Variants in PCDH9 observed in about 807,000 individuals in gnomAD.
The protein encoded by PCDH9 is protocadherin-9.
A neutral mutation model predicts 70.6 loss-of-function variants in PCDH9; 24 were observed. The observed-to-expected ratio is 0.34, with a 90% CI of 0.25 to 0.48. PCDH9 has a LOEUF of 0.48. Ranked by LOEUF, PCDH9 falls within the 20% of genes least tolerant of loss-of-function variation. The pLI is 0.99. For missense variants in PCDH9, 1,281 were observed against 1,503.6 expected (o/e 0.85, Z 2.45); for synonymous variants, 562 against 558.5 (o/e 1.01, Z -0.09).
intron 4 of PCDH9, among the ~76,000 whole-genome samples, chr13:66,562,184 A>G (rs924678224): frequency 6.6e-6 from 1 of 152,126 alleles, no homozygotes; most frequent in Non-Finnish European, 1.5e-5. Flanking sequence ...AGTTAAGCAT[A>G]AAATATATTT....
At chr13:66,757,573 G>C (rs914261862) in intron 3 of PCDH9, among the ~76,000 whole-genome samples, 1 of 151,936 alleles carries the variant, frequency 6.6e-6, no homozygotes, top group African/African-American at 2.4e-5. Flanking sequence ...AAACAGACTA[G>C]AGAATCTACT....
chr13:66,317,748 A>AT (rs1491341958), intron 4 of PCDH9, among the ~76,000 whole-genome samples: 1 of 152,160 alleles, frequency 6.6e-6, no homozygotes, highest in African/African-American at 2.4e-5. Flanking sequence ...AGAAAAAAAA[A>AT]GATGATTAGC....
chr13:67,028,534 A>G (rs113301267), intron 2 of PCDH9, among the ~76,000 whole-genome samples: 3 of 151,920 alleles, frequency 2.0e-5, no homozygotes, highest in Non-Finnish European at 4.4e-5. Context: ...TAACCTGTAC[A>G]TTGTGCACAT....
At chr13:66,793,227 C>T (rs1280572634) in intron 3 of PCDH9, among the ~76,000 whole-genome samples, 1 of 152,128 alleles carries the variant, frequency 6.6e-6, no homozygotes, top group Admixed American at 6.5e-5. Context: ...TCACTAAGCA[C>T]TCCTCTGGAG....
At chr13:66,909,890 C>A (rs1402430979) in intron 2 of PCDH9, among the ~76,000 whole-genome samples, 1 of 152,148 alleles carries the variant, frequency 6.6e-6, no homozygotes, top group East Asian at 1.9e-4. Flanking sequence ...CATGTTCCTA[C>A]CCAGTGGATT....
intron 2 of PCDH9, chr13:67,225,108 G>GT (rs1461304998): frequency 1.6e-6 from 2 of 1,274,088 alleles, no homozygotes; most frequent in East Asian, 3.5e-5. Context: ...ATCAGGACAG[G>GT]TTTTTTCTTC....
intron 4 of PCDH9, among the ~76,000 whole-genome samples, chr13:66,593,530 T>C (rs1281625029): frequency 6.6e-6 from 1 of 151,684 alleles, no homozygotes; most frequent in Non-Finnish European, 1.5e-5. Context: ...TTATTCTGTA[T>C]ATAAAAATCA....
chr13:66,928,964 T>G (rs2139657215), intron 2 of PCDH9, among the ~76,000 whole-genome samples: 1 of 152,262 alleles, frequency 6.6e-6, no homozygotes, highest in South Asian at 2.1e-4. Flanking sequence ...AAAAATCTCT[T>G]GACTCCATCT....
intron 3 of PCDH9, among the ~76,000 whole-genome samples, chr13:66,819,101 A>G (rs925547713): frequency 6.6e-6 from 1 of 152,282 alleles, no homozygotes; most frequent in South Asian, 2.1e-4. Context: ...AAACCAACAG[A>G]TATATTCCAG....
At chr13:66,710,223 T>G (rs2078774283) in intron 3 of PCDH9, among the ~76,000 whole-genome samples, 1 of 152,156 alleles carries the variant, frequency 6.6e-6, no homozygotes, top group Non-Finnish European at 1.5e-5. Flanking sequence ...ATAGCTTTAT[T>G]TATACATTTT....
chr13:66,847,179 T>C (rs60016183), intron 3 of PCDH9, among the ~76,000 whole-genome samples: 3,447 of 152,360 alleles, frequency 0.023, 131 homozygotes, highest in African/African-American at 0.08. Flanking sequence ...ATCATTTTCA[T>C]ACACCTAAAT....
intron 4 of PCDH9, among the ~76,000 whole-genome samples, chr13:66,336,280 A>G (rs1956036479): frequency 6.6e-6 from 1 of 151,818 alleles, no homozygotes; most frequent in Non-Finnish European, 1.5e-5. Flanking sequence ...TTTAATTTAC[A>G]AAATCCACAG....
intron 2 of PCDH9, among the ~76,000 whole-genome samples, chr13:66,997,204 G>T (rs1260285281): frequency 2.0e-5 from 3 of 152,176 alleles, no homozygotes; most frequent in Non-Finnish European, 1.5e-5. Context: ...AAAGAAAAGA[G>T]GCTTATCTGG....
At chr13:66,614,956 G>A (rs1178258018) in intron 4 of PCDH9, among the ~76,000 whole-genome samples, 2 of 152,200 alleles carry the variant, frequency 1.3e-5, no homozygotes, top group Admixed American at 1.3e-4. Context: ...GGCAAAGGCA[G>A]AGGAGAACAA....
At chr13:66,360,990 T>A (rs1390440411) in intron 4 of PCDH9, among the ~76,000 whole-genome samples, 2 of 152,080 alleles carry the variant, frequency 1.3e-5, no homozygotes, top group Non-Finnish European at 2.9e-5. Flanking sequence ...TGAGAGCAAA[T>A]GAAGTGGGGT....
intron 3 of PCDH9, among the ~76,000 whole-genome samples, chr13:66,656,084 A>G (rs2077924774): frequency 6.6e-6 from 1 of 152,152 alleles, no homozygotes; most frequent in African/African-American, 2.4e-5. Flanking sequence ...GTGCCAGAAA[A>G]GCAGGCATGT....
intron 2 of PCDH9, among the ~76,000 whole-genome samples, chr13:66,961,888 T>C (rs1017120930): frequency 3.3e-5 from 5 of 151,542 alleles, no homozygotes; most frequent in African/African-American, 1.2e-4. Flanking sequence ...CCGTCTCTAC[T>C]AAAAATACAA....
chr13:66,611,509 C>T (rs1319319448), intron 4 of PCDH9, among the ~76,000 whole-genome samples: 1 of 152,130 alleles, frequency 6.6e-6, no homozygotes. Context: ...CTCCATGTCA[C>T]TATTCAAAGC....
chr13:67,043,876 C>T (rs1392540601), intron 2 of PCDH9, among the ~76,000 whole-genome samples: 3 of 152,058 alleles, frequency 2.0e-5, no homozygotes, highest in Non-Finnish European at 4.4e-5. Flanking sequence ...ATTTTCCATA[C>T]TCTGTTTTAT....
Sources: gnomAD v4.1 joint callset for allele counts (sites outside exome capture counted in the v4.1 genomes callset) on GRCh38, gnomAD v4.1.1 for gene constraint, MANE v1.5 for transcripts, NCBI Gene and HGNC (gene_info 2026-07-23, HGNC 2026-07-21) for gene names.